Variants in WDFY4 observed in about 807,000 individuals in gnomAD.
The protein encoded by WDFY4 is WD repeat- and FYVE domain-containing protein 4.
A neutral mutation model predicts 351.9 loss-of-function variants in WDFY4; 169 were observed. The observed-to-expected ratio is 0.48, with a 90% CI of 0.42 to 0.55. The LOEUF is 0.55. Ranked by LOEUF, WDFY4 falls within the 20% of genes least tolerant of loss-of-function variation. The pLI, the probability that WDFY4 is intolerant of heterozygous loss-of-function variation, is 0.00. For synonymous variants in WDFY4, 1,622 were observed against 1,574.6 expected (o/e 1.03, Z -0.71); for missense variants, 3,803 against 3,935.6 (o/e 0.97, Z 0.90).
At chr10:48,910,357 G>A in intron 47 of WDFY4, 1 of 1,032,444 alleles carries the variant, frequency 9.7e-7, no homozygotes. Flanking sequence ...GGTCATGCCT[G>A]ACCTTCAGGA....
At chr10:48,938,179 A>C (rs1023089399) in intron 47 of WDFY4, among the ~76,000 whole-genome samples, 1 of 152,236 alleles carries the variant, frequency 6.6e-6, no homozygotes, top group Non-Finnish European at 1.5e-5. Context: ...ATGTCCTCAA[A>C]ACTGTTTTTG....
intron 57 of WDFY4, among the ~76,000 whole-genome samples, chr10:48,973,100 A>G (rs1026445812): frequency 1.3e-5 from 2 of 152,170 alleles, no homozygotes; most frequent in African/African-American, 4.8e-5. Context: ...TCCTGGGAAG[A>G]GCAGGCAGAC....
At position 48,743,321 on chromosome 10, in the gene WDFY4, T is replaced by C. The variant is rs1463871203; in HGVS notation, c.2232T>C (p.Asp744=). ...WVDTKARPFA[D]LLGTAFSSSG... ...ACACAAAGGCCAGGCCATTTGCAGATTTGCTGGGCACTGCCTTTTCCTCCA... is the reference window on the plus strand; with the variant it reads ...ACACAAAGGCCAGGCCATTTGCAGACTTGCTGGGCACTGCCTTTTCCTCCA... Residue 744 remains aspartate (D), a synonymous_variant, in exon 12 of 62, where the codon GAT becomes GAC. Coordinates refer to ENST00000325239, the MANE Select transcript of WDFY4 (RefSeq NM_001394531.1). 1 of 1,551,568 alleles carries C rather than the reference T, an allele frequency of 6.4e-7. No homozygotes were observed. Among genetic ancestry groups the C allele is most frequent in the Non-Finnish European group, 8.7e-7 (1 of 1,146,916 alleles).
chr10:48,904,074 A>G (rs962285066), intron 47 of WDFY4, among the ~76,000 whole-genome samples: 3 of 152,202 alleles, frequency 2.0e-5, no homozygotes, highest in Admixed American at 6.5e-5. Flanking sequence ...AGAACTGAGA[A>G]ATGACCATTG....
At chr10:48,755,086 A>G (rs2170127) in intron 12 of WDFY4, among the ~76,000 whole-genome samples, 45,815 of 152,080 alleles carry the variant, frequency 0.3, 8,165 homozygotes, top group Non-Finnish European at 0.4. Flanking sequence ...CCCACATAGT[A>G]AAACCTTTTC....
Position 48,743,224 on chromosome 10 carries a change from C to T in WDFY4, c.2135C>T (p.Ala712Val), listed in dbSNP as rs1254743131. ...AGGAATGGGCTCTTTGAGAAGCTGGCCGAGGACCTCTGCCTGCTGGGCTGT... is the reference window on the plus strand; with the variant it reads ...AGGAATGGGCTCTTTGAGAAGCTGGTCGAGGACCTCTGCCTGCTGGGCTGT... The part of the protein sequence containing the change: ...FRRNGLFEKL[A>V]EDLCLLGCFG... Residue 712 changes from alanine (A) to valine (V), a missense_variant, in exon 12 of 62, where the codon GCC becomes GTC. Transcript: ENST00000325239. The T allele has an allele frequency of 1.9e-6, 3 of 1,551,702 alleles. No individual in the cohort carries two copies. Among genetic ancestry groups the T allele is most frequent in the Non-Finnish European group, 2.6e-6 (3 of 1,147,006 alleles).
intron 47 of WDFY4, among the ~76,000 whole-genome samples, chr10:48,925,386 A>C (rs1839485797): frequency 1.3e-5 from 2 of 152,042 alleles, no homozygotes; most frequent in Admixed American, 1.3e-4. Flanking sequence ...TGTGTTGGGA[A>C]CCTCTGGGCA....
In WDFY4 at chr10:48,737,892, T is replaced by C. The variant is rs761807863; in HGVS notation, c.1878+1822T>C. 2.0e-5 allele frequency among the ~76,000 whole-genome samples: 3 copies of C among 152,200 alleles called. No individual in the cohort carries two copies. In the East Asian group the frequency reaches 5.8e-4, roughly 29 times the overall value. ...TCTTAATGTTAAAGGCAGAGAGACA[T>C]CCAGAGAGCTTCATTGACTAAATTA... is the stretch of plus-strand genomic sequence containing the variant. On this transcript the variant is annotated intron_variant, in intron 11 of 61. Coordinates refer to ENST00000325239, the MANE Select transcript of WDFY4 (RefSeq NM_001394531.1).
chr10:48,940,053 C>T (rs1408916827), intron 47 of WDFY4, among the ~76,000 whole-genome samples: 1 of 152,226 alleles, frequency 6.6e-6, no homozygotes, highest in Non-Finnish European at 1.5e-5. Context: ...AACAGAGTAG[C>T]AAGAGCAGCA....
chr10:48,795,516 TATATATAC>T (rs1197613049), intron 23 of WDFY4, among the ~76,000 whole-genome samples: 1 of 106,294 alleles, frequency 9.4e-6, no homozygotes, highest in Non-Finnish European at 1.9e-5. Context: ...TATATATATA[TATATATAC>T]ATATATATAT....
chr10:48,805,959 G>A lies in WDFY4; in HGVS notation c.4647-45G>A, dbSNP rs766774546. On this transcript the variant is annotated intron_variant, in intron 26 of 61. Transcript: ENST00000325239. ...CACTGGCATGTACTCAGCGGACTCA[G>A]TTGAGCCCGCCTGCGAGCCTGTCCT... 10 of 1,526,008 alleles carry A rather than the reference G, an allele frequency of 6.6e-6. No homozygotes were observed. In the South Asian group the frequency reaches 1.2e-4, roughly 18 times the overall value. 94.5% of individuals were successfully genotyped at this position (1,526,008 alleles called of 1,614,324 possible). A position where few individuals can be genotyped will look rare whatever the true frequency, so the allele number is the denominator to read the frequency against.
At chr10:48,835,047 A>G (rs1350393215) in intron 39 of WDFY4, among the ~76,000 whole-genome samples, 2 of 152,204 alleles carry the variant, frequency 1.3e-5, no homozygotes, top group Admixed American at 1.3e-4. Flanking sequence ...TGTCTTCTAT[A>G]TCCATTGAGG....
rs1371366927 is a variant in WDFY4, at chr10:48,923,529, T to C, written c.7587-18277T>C. ...ATATATATATGTCCCAAATACCGCA[T>C]AGTCCTGTATTTTATTTGGCAACCC... On this transcript the variant is annotated intron_variant, in intron 47 of 61. Coordinates refer to ENST00000325239, the MANE Select transcript of WDFY4 (RefSeq NM_001394531.1). Among the ~76,000 whole-genome samples the C allele has an allele frequency of 2.7e-5, 4 of 148,722 alleles. 1 individual carries two copies. The Admixed American group carries it at 2.7e-4, about 10-fold the overall frequency.
Position 48,731,316 on chromosome 10 carries a change from G to A in WDFY4, c.1336G>A (p.Glu446Lys), listed in dbSNP as rs1400257022. ...GCCCCTGAAGCCGGCCCCAGTGCAG[G>A]AACACTTCTTCCAGCTTCTAGAGGC... is the stretch of plus-strand genomic sequence containing the variant. ...IMPLKPAPVQ[E>K]HFFQLLEALV... The change falls in exon 9 of 62, where the codon GAA becomes AAA. Residue 446 changes from glutamate (E) to lysine (K), a missense_variant. Glu to Lys is a moderately conservative substitution (Grantham distance 56). Transcript: ENST00000325239. 4.5e-6 allele frequency: 7 copies of A among 1,551,742 alleles called. No homozygotes were observed. The highest frequency in any genetic ancestry group is 1.4e-5 in the African/African-American group (1 of 73,056).
chr10:48,974,827 G>T, intron 57 of WDFY4, 35 bp from the exon 58 acceptor site: 2 of 1,484,138 alleles, frequency 1.3e-6, no homozygotes, highest in Non-Finnish European at 1.8e-6. Flanking sequence ...CTGAATTGAG[G>T]GTCCCTCTCC....
rs1466770102 is a variant in WDFY4, at chr10:48,810,750, G to A, written c.5044+15G>A. ...TATTGTAATGGGTGAGCACGTGGCT[G>A]TCTCCAGGGAGTGGGGCACCACCTA... On this transcript the variant is annotated intron_variant, in intron 29 of 61. Coordinates refer to ENST00000325239, the MANE Select transcript of WDFY4 (RefSeq NM_001394531.1). 6.6e-7 allele frequency: 1 copy of A among 1,505,678 alleles called. No homozygotes were observed. The highest frequency in any genetic ancestry group is 1.4e-5 in the African/African-American group (1 of 71,506). 93.3% of individuals were successfully genotyped at this position (1,505,678 alleles called of 1,614,324 possible).
Position 48,799,816 on chromosome 10 carries a change from A to C in WDFY4, c.4410+3366A>C, listed in dbSNP as rs566467478. 2.0e-5 allele frequency among the ~76,000 whole-genome samples: 3 copies of C among 152,342 alleles called. No individual in the cohort carries two copies. In the South Asian group the frequency reaches 6.2e-4, roughly 32 times the overall value. On this transcript the variant is annotated intron_variant, in intron 24 of 61. Coordinates refer to ENST00000325239, the MANE Select transcript of WDFY4 (RefSeq NM_001394531.1). The stretch of plus-strand genomic sequence containing the variant: ...ATTAAGGGGAAGTGTGGGGAGACTG[A>C]AAGTGGAGGCAGTCAGTGGACTTTG...
chr10:48,907,746 A>G (rs1274620895), intron 47 of WDFY4, among the ~76,000 whole-genome samples: 1 of 152,082 alleles, frequency 6.6e-6, no homozygotes, highest in Non-Finnish European at 1.5e-5. Flanking sequence ...TTGGCTACAG[A>G]TCTGTAAGGT....
Position 48,787,983 on chromosome 10 carries a change from T to C in WDFY4, c.3809-547T>C, listed in dbSNP as rs796118511. Among the ~76,000 whole-genome samples, 15 of 81,554 alleles carry C rather than the reference T, an allele frequency of 1.8e-4. No homozygotes were observed. In the East Asian group the frequency reaches 2.0e-3, roughly 11 times the overall value. The allele number at this position is 81,554 out of a possible 152,430, so 53.5% of individuals were successfully genotyped here. A position where few individuals can be genotyped will look rare whatever the true frequency, so the allele number is the denominator to read the frequency against. On this transcript the variant is annotated intron_variant, in intron 20 of 61. Coordinates refer to ENST00000325239, the MANE Select transcript of WDFY4 (RefSeq NM_001394531.1). Reference sequence around the variant, plus strand: ...TTCTTCTTCTTCTTCTTCTTCTTCTTCTCCTTCTCCTTCTCCTTCTCCTTC... The same window carrying C: ...TTCTTCTTCTTCTTCTTCTTCTTCTCCTCCTTCTCCTTCTCCTTCTCCTTC...
Sources: allele counts gnomAD v4.1 joint callset (sites outside exome capture counted in the v4.1 genomes callset), GRCh38; gene constraint gnomAD v4.1.1; transcripts MANE v1.5; gene names NCBI Gene and HGNC (gene_info 2026-07-23, HGNC 2026-07-21).